The following CARF variants were observed in gnomAD, a reference collection of about 807,000 sequenced individuals.
CARF encodes the protein calcium-responsive transcription factor.
CARF carries 57 observed loss-of-function variants against 82.0 expected under a neutral mutation model. The observed-to-expected ratio is 0.70, with a 90% CI of 0.56 to 0.87. The LOEUF (loss-of-function observed/expected upper bound fraction) is 0.87. Among genes scored for constraint, CARF ranks in the 40% least tolerant of loss-of-function variants. The pLI, the probability that CARF is intolerant of heterozygous loss-of-function variation, is 0.00. For synonymous variants in CARF, 268 were observed against 290.1 expected (o/e 0.92, Z 0.77); for missense variants, 771 against 855.8 (o/e 0.90, Z 1.24).
At chr2:202,956,251 A>G (rs193123677) in intron 8 of CARF, among the ~76,000 whole-genome samples, 36 of 151,842 alleles carry the variant, frequency 2.4e-4, no homozygotes, top group Non-Finnish European at 4.6e-4. Flanking sequence ...TTATGTATTT[A>G]TGTATTTATT....
At chr2:202,918,448 G>A (rs1470355669) in intron 2 of CARF, among the ~76,000 whole-genome samples, 2 of 152,134 alleles carry the variant, frequency 1.3e-5, no homozygotes, top group African/African-American at 2.4e-5. Flanking sequence ...GTGAACCTGG[G>A]AGGCGGAGCT....
At chr2:202,917,037 T>C (rs879446474) in intron 1 of CARF, among the ~76,000 whole-genome samples, 237 of 151,836 alleles carry the variant, frequency 1.6e-3, no homozygotes, top group African/African-American at 5.0e-3. Context: ...GGTGAAACCC[T>C]GTCTCTACTG....
chr2:202,971,631 T>C lies in CARF; in HGVS notation c.1224T>C (p.Asp408=). The C allele has an allele frequency of 6.2e-7, 1 of 1,613,638 alleles. No individual in the cohort carries two copies. The highest frequency in any genetic ancestry group is 8.5e-7 in the Non-Finnish European group (1 of 1,179,728). The part of the protein sequence containing the change: ...SLEEEETAVR[D]ENCALPSRLH... ...AAGAAGAGGAAACTGCAGTTAGAGA[T>C]GAGAATTGTGCATTACCCTCACGTT... Residue 408 remains aspartate (D), a synonymous_variant, in exon 12 of 17, where the codon GAT becomes GAC. Transcript: ENST00000438828.
intron 4 of CARF, 46 bp from the exon 5 acceptor site, chr2:202,942,694 A>G: frequency 7.1e-7 from 1 of 1,404,922 alleles, no homozygotes. Context: ...ACATCTTTAA[A>G]AAAAATGGTG....
At chr2:202,935,324 T>TTATA (rs67665417) in intron 3 of CARF, among the ~76,000 whole-genome samples, 4 of 143,084 alleles carry the variant, frequency 2.8e-5, no homozygotes, top group African/African-American at 5.1e-5. Context: ...ATTTGTATAT[T>TTATA]TATATATATA....
chr2:202,988,146 ATCT>A lies in CARF; in HGVS notation c.*4523_*4525del. On this transcript the variant is annotated 3_prime_UTR_variant, in exon 17 of 17. Transcript: ENST00000438828. Reference sequence around the variant, plus strand: ...TGTTGCATTTATGAATAAATCATTTATCTGCTGCTGAGTAGAACTGCATTTTAT... The same window carrying A: ...TGTTGCATTTATGAATAAATCATTTAGCTGCTGAGTAGAACTGCATTTTAT... 6.6e-6 allele frequency among the ~76,000 whole-genome samples: 1 copy of A among 152,318 alleles called. No homozygotes were observed. The highest frequency in any genetic ancestry group is 1.9e-4 in the East Asian group (1 of 5,188).
chr2:202,968,896 G>T (rs1179101791), intron 10 of CARF, among the ~76,000 whole-genome samples: 4 of 152,162 alleles, frequency 2.6e-5, no homozygotes, highest in African/African-American at 9.7e-5. Flanking sequence ...TTCATGGCAG[G>T]AAAGAAAGTA....
At chr2:202,983,194 A>C (rs1471419101) in intron 16 of CARF, among the ~76,000 whole-genome samples, 1 of 152,174 alleles carries the variant, frequency 6.6e-6, no homozygotes, top group Non-Finnish European at 1.5e-5. Context: ...TTGGAATTAC[A>C]AAATAAATGT....
At chr2:202,966,922 G>A in intron 9 of CARF, 56 bp from the exon 10 acceptor site, 1 of 1,528,764 alleles carries the variant, frequency 6.5e-7, no homozygotes, top group South Asian at 1.3e-5. Flanking sequence ...TTTTAATCTA[G>A]TGTCTAGAAT....
At chr2:202,916,299 A>G (rs777768319) in intron 1 of CARF, among the ~76,000 whole-genome samples, 2 of 151,662 alleles carry the variant, frequency 1.3e-5, no homozygotes, top group African/African-American at 4.8e-5. Flanking sequence ...TCCTGCCTCA[A>G]CCTCCCCAGT....
intron 5 of CARF, among the ~76,000 whole-genome samples, chr2:202,951,711 A>T (rs770906407): frequency 6.6e-6 from 1 of 151,934 alleles, no homozygotes; most frequent in African/African-American, 2.4e-5. Context: ...TAAATATACT[A>T]TTTTCCCTGT....
intron 13 of CARF, among the ~76,000 whole-genome samples, chr2:202,976,590 A>T (rs1262217878): frequency 6.6e-6 from 1 of 152,182 alleles, no homozygotes; most frequent in Non-Finnish European, 1.5e-5. Flanking sequence ...ACAGCCAGTG[A>T]TTATGCCATT....
intron 3 of CARF, among the ~76,000 whole-genome samples, chr2:202,930,524 A>G (rs1346695342): frequency 1.3e-5 from 2 of 151,760 alleles, no homozygotes; most frequent in Non-Finnish European, 2.9e-5. Context: ...TATTGTATTT[A>G]TTTCATTCAT....
chr2:202,952,953 G>T (rs1281004026), intron 6 of CARF, among the ~76,000 whole-genome samples: 2 of 152,174 alleles, frequency 1.3e-5, no homozygotes, highest in East Asian at 1.9e-4. Context: ...TATTATTAAT[G>T]ATAACAGTAA....
At chr2:202,942,030 C>A in intron 4 of CARF, 50 bp downstream of exon 4, 1 of 1,364,500 alleles carries the variant, frequency 7.3e-7, no homozygotes, top group Non-Finnish European at 1.0e-6. Context: ...AAACAGCATG[C>A]CATTTAACAG....
intron 5 of CARF, among the ~76,000 whole-genome samples, chr2:202,952,340 G>A (rs146441906): frequency 1.4e-4 from 21 of 152,184 alleles, no homozygotes; most frequent in Admixed American, 6.5e-4. Context: ...CTAGGATTAG[G>A]GTCAAATTGC....
At chr2:202,932,182 C>T (rs1010977350) in intron 3 of CARF, among the ~76,000 whole-genome samples, 3 of 152,114 alleles carry the variant, frequency 2.0e-5, no homozygotes, top group Admixed American at 2.0e-4. Flanking sequence ...ATGAGAAACC[C>T]CCACCATGAT....
Position 202,953,990 on chromosome 2 carries a change from GT to G in CARF, c.428-10del. ...AAGATATTGATGTTACTTTGTTCTT[GT>G]TTTTGTTGTTAAGATGTCCCTGAAG... On this transcript the variant is annotated splice_polypyrimidine_tract_variant and intron_variant, in intron 6 of 16. Transcript: ENST00000438828. 1 of 1,588,838 alleles carries G rather than the reference GT, an allele frequency of 6.3e-7. No individual in the cohort carries two copies. The highest frequency in any genetic ancestry group is 8.5e-7 in the Non-Finnish European group (1 of 1,170,004).
chr2:202,929,007 G>A (rs1339088891), intron 3 of CARF, among the ~76,000 whole-genome samples: 1 of 124,894 alleles, frequency 8.0e-6, no homozygotes, highest in African/African-American at 2.6e-5. Context: ...GGGGATTACA[G>A]GTGTGAGCCA....
Sources: gnomAD v4.1 joint callset for allele counts (sites outside exome capture counted in the v4.1 genomes callset) on GRCh38, gnomAD v4.1.1 for gene constraint, MANE v1.5 for transcripts, NCBI Gene and HGNC (gene_info 2026-07-23, HGNC 2026-07-21) for gene names.